Variants in UBE2D3 observed in about 807,000 individuals in gnomAD.
The protein encoded by UBE2D3 is ubiquitin conjugating enzyme E2 D3, also known as ubiquitin-conjugating enzyme E2 D3.
A neutral mutation model predicts 22.8 loss-of-function variants in UBE2D3; 2 were observed. The ratio of observed to expected loss-of-function variants is 0.09; its 90% CI spans 0.04 to 0.28. The LOEUF is 0.28. UBE2D3 is among the 10% of genes least tolerant of loss of function. The probability of loss-of-function intolerance (pLI) is 1.00; values close to 1 mark genes in which losing one functional copy is unlikely to be tolerated. For synonymous variants in UBE2D3, 56 were observed against 60.4 expected, an observed-to-expected ratio of 0.93 and a Z score of 0.34; for missense variants, 27 against 182.5, an observed-to-expected ratio of 0.15 and a Z score of 4.91.
intron 4 of UBE2D3, among the ~76,000 whole-genome samples, chr4:102,805,820 G>A (rs576385071): frequency 1.3e-5 from 2 of 152,150 alleles, no homozygotes; most frequent in East Asian, 1.9e-4. Context: ...CATGTCATGC[G>A]TCCAAAACTG....
At chr4:102,850,851 A>T (rs1318790498) in intron 1 of UBE2D3, among the ~76,000 whole-genome samples, 2 of 152,030 alleles carry the variant, frequency 1.3e-5, no homozygotes, top group East Asian at 3.9e-4. Flanking sequence ...AAACATCATT[A>T]TGTTCTCACT....
intron 1 of UBE2D3, among the ~76,000 whole-genome samples, chr4:102,850,438 C>G (rs1469569872): frequency 1.3e-5 from 2 of 152,164 alleles, no homozygotes; most frequent in African/African-American, 4.8e-5. Flanking sequence ...AATATTTCTT[C>G]CAGTTCAGAT....
At chr4:102,834,095 TTTTC>T (rs1250042163) in intron 1 of UBE2D3, among the ~76,000 whole-genome samples, 2 of 152,216 alleles carry the variant, frequency 1.3e-5, no homozygotes, top group Non-Finnish European at 2.9e-5. Flanking sequence ...GCTGGGATAC[TTTTC>T]TTTTTTAGTG....
At chr4:102,825,465 C>T in intron 2 of UBE2D3, 1 of 1,141,338 alleles carries the variant, frequency 8.8e-7, no homozygotes, top group Non-Finnish European at 1.1e-6. Flanking sequence ...TTTAACAAAT[C>T]ATATTAATTC....
In UBE2D3 at chr4:102,795,165, CAAGTCAA is replaced by C. The variant is rs1445309385; in HGVS notation, c.*2243_*2249del. 1 of 152,064 alleles carries C rather than the reference CAAGTCAA, an allele frequency of 6.6e-6. No individual in the cohort carries two copies. The highest frequency in any genetic ancestry group is 2.4e-5 in the African/African-American group (1 of 41,520). The allele number at this position is 152,064 out of a possible 1,614,324, so 9.4% of individuals were successfully genotyped here. A position where few individuals can be genotyped will look rare whatever the true frequency, so the allele number is the denominator to read the frequency against. On this transcript the variant is annotated 3_prime_UTR_variant, in exon 8 of 8. Transcript: ENST00000453744. ...ACAAATGAAATGATGTATAAAGCAT[CAAGTCAA>C]AGATACAGAGAACTGGACACATCCA...
At chr4:102,854,218 G>A (rs997619290) in intron 1 of UBE2D3, among the ~76,000 whole-genome samples, 2 of 151,758 alleles carry the variant, frequency 1.3e-5, no homozygotes, top group South Asian at 2.1e-4. Context: ...TATTAATTTC[G>A]TTTAGATTTT....
intron 2 of UBE2D3, chr4:102,825,556 G>C: frequency 8.4e-6 from 10 of 1,193,950 alleles, no homozygotes; most frequent in Non-Finnish European, 1.1e-5. Flanking sequence ...ATAGAAGTTA[G>C]AGCAAGAAAA....
intron 1 of UBE2D3, among the ~76,000 whole-genome samples, chr4:102,844,745 G>A (rs891363421): frequency 4.6e-5 from 7 of 151,492 alleles, no homozygotes; most frequent in South Asian, 2.1e-4. Flanking sequence ...AGCCTGGGCC[G>A]GGCGGTGGGT....
intron 2 of UBE2D3, chr4:102,825,542 C>T: frequency 8.5e-7 from 1 of 1,173,250 alleles, no homozygotes; most frequent in East Asian, 6.1e-5. Context: ...TCTTAAAATG[C>T]GGGATAGAAG....
intron 2 of UBE2D3, among the ~76,000 whole-genome samples, chr4:102,814,411 C>A (rs553724684): frequency 6.6e-6 from 1 of 151,424 alleles, no homozygotes; most frequent in African/African-American, 2.4e-5. Context: ...GCCTCAGCCT[C>A]CTGAGTAGCT....
At chr4:102,854,024 T>G (rs1260772191) in intron 1 of UBE2D3, among the ~76,000 whole-genome samples, 1 of 152,162 alleles carries the variant, frequency 6.6e-6, no homozygotes, top group Non-Finnish European at 1.5e-5. Flanking sequence ...TCTTATTATT[T>G]TAATTTTCAT....
chr4:102,802,818 G>A (rs1196005189), intron 4 of UBE2D3, 180 bp from the exon 5 acceptor site: 1 of 403,130 alleles, frequency 2.5e-6, no homozygotes, highest in East Asian at 3.7e-5. Context: ...AACTTATACA[G>A]TAATAAACCC....
At chr4:102,866,756 T>C (rs1449006172) in intron 1 of UBE2D3, among the ~76,000 whole-genome samples, 1 of 152,162 alleles carries the variant, frequency 6.6e-6, no homozygotes, top group Non-Finnish European at 1.5e-5. Context: ...CTTGTCAAGA[T>C]GACAGATCCT....
intron 1 of UBE2D3, 168 bp downstream of exon 1, chr4:102,827,259 T>G: frequency 1.0e-6 from 1 of 960,388 alleles, no homozygotes; most frequent in South Asian, 4.8e-5. Flanking sequence ...CCATTCCCCC[T>G]CCTCCTCCAG....
chr4:102,838,553 T>C (rs1040292927), intron 1 of UBE2D3, among the ~76,000 whole-genome samples: 3 of 152,160 alleles, frequency 2.0e-5, no homozygotes, highest in Admixed American at 6.5e-5. Context: ...ATCAGTTAGA[T>C]GGAGAGTTTA....
intron 4 of UBE2D3, 197 bp downstream of exon 4, chr4:102,809,475 C>A: frequency 1.6e-6 from 1 of 616,398 alleles, no homozygotes; most frequent in Non-Finnish European, 2.8e-6. Flanking sequence ...AGAACGTGAA[C>A]ACAGGGATAG....
intron 7 of UBE2D3, chr4:102,798,922 T>A (rs753899656): frequency 6.2e-7 from 1 of 1,611,742 alleles, no homozygotes; most frequent in South Asian, 1.1e-5. Context: ...GTGCAGATCC[T>A]CTTACCCTAC....
chr4:102,815,785 C>T (rs950170485), intron 2 of UBE2D3, among the ~76,000 whole-genome samples: 1 of 152,120 alleles, frequency 6.6e-6, no homozygotes, highest in African/African-American at 2.4e-5. Context: ...ATAAAATCAG[C>T]CCAATACACT....
chr4:102,831,589 C>T (rs1376497377), upstream of UBE2D3, among the ~76,000 whole-genome samples: 1 of 152,062 alleles, frequency 6.6e-6, no homozygotes, highest in African/African-American at 2.4e-5. Flanking sequence ...GAACAAAGTA[C>T]TAATACATGT....
Sources: allele counts gnomAD v4.1 joint callset (sites outside exome capture counted in the v4.1 genomes callset), GRCh38; gene constraint gnomAD v4.1.1; transcripts MANE v1.5; gene names NCBI Gene and HGNC (gene_info 2026-07-23, HGNC 2026-07-21).